The following ZNF566 variants were observed in gnomAD, a reference collection of about 807,000 sequenced individuals.
ZNF566 encodes zinc finger protein 566.
ZNF566 carries 27 observed loss-of-function variants against 32.8 expected under a neutral mutation model. That is an observed-to-expected ratio of 0.82 (90% CI 0.61 to 1.14). The LOEUF (loss-of-function observed/expected upper bound fraction) is 1.14. Ranked by LOEUF, ZNF566 falls within the 50% of genes most tolerant of loss-of-function variation. The pLI, the probability that ZNF566 is intolerant of heterozygous loss-of-function variation, is 0.00. For missense variants in ZNF566, 402 were observed against 490.4 expected (o/e 0.82, Z 1.70); for synonymous variants, 154 against 159.5 (o/e 0.97, Z 0.26).
intron 4 of ZNF566, among the ~76,000 whole-genome samples, chr19:36,465,785 T>A (rs1327622405): frequency 1.3e-5 from 2 of 152,018 alleles, no homozygotes; most frequent in African/African-American, 4.8e-5. Flanking sequence ...TAAATACTAT[T>A]TTAAGGGAAA....
intron 1 of ZNF566, among the ~76,000 whole-genome samples, chr19:36,485,388 C>T (rs2145712911): frequency 6.7e-6 from 1 of 148,974 alleles, no homozygotes; most frequent in South Asian, 2.1e-4. Context: ...CTGCAATGAG[C>T]CATGGTCATG....
chr19:36,459,576 T>A (rs2033407157), intron 4 of ZNF566, among the ~76,000 whole-genome samples: 1 of 151,026 alleles, frequency 6.6e-6, no homozygotes, highest in Non-Finnish European at 1.5e-5. Flanking sequence ...AATGGCTTGA[T>A]CTCGGCTCAC....
At chr19:36,459,305 G>A (rs1365560512) in intron 4 of ZNF566, among the ~76,000 whole-genome samples, 1 of 151,520 alleles carries the variant, frequency 6.6e-6, no homozygotes, top group Non-Finnish European at 1.5e-5. Flanking sequence ...GAGGAAAGAG[G>A]TTTTTGTTTT....
At chr19:36,453,833 T>A (rs1402513172) in intron 4 of ZNF566, among the ~76,000 whole-genome samples, 1 of 151,908 alleles carries the variant, frequency 6.6e-6, no homozygotes, top group Non-Finnish European at 1.5e-5. Flanking sequence ...ACCTGGTTAA[T>A]CTTTTTTTGA....
chr19:36,457,192 C>T (rs893584854), intron 4 of ZNF566, among the ~76,000 whole-genome samples: 9 of 152,076 alleles, frequency 5.9e-5, no homozygotes, highest in Non-Finnish European at 4.4e-5. Context: ...AACTGGATAG[C>T]CACATGCAAA....
chr19:36,448,012 A>C lies in ZNF566; in HGVS notation c.*965T>G, dbSNP rs1043129561. 1 of 152,160 alleles carries C rather than the reference A, an allele frequency of 6.6e-6. No individual in the cohort carries two copies. Among genetic ancestry groups the C allele is most frequent in the Non-Finnish European group, 1.5e-5 (1 of 68,012 alleles). 9.4% of individuals were successfully genotyped at this position (152,160 alleles called of 1,614,324 possible). A position where few individuals can be genotyped will look rare whatever the true frequency, so the allele number is the denominator to read the frequency against. ...CTAAGCACTTTATCGATCTTAATTC[A>C]TTTAATCCTCACAAAGCATTATGAG... is the stretch of plus-strand genomic sequence containing the variant. On this transcript the variant is annotated 3_prime_UTR_variant, in exon 5 of 5. Transcript: ENST00000452939.
intron 4 of ZNF566, among the ~76,000 whole-genome samples, chr19:36,456,041 A>G (rs2033300720): frequency 6.6e-6 from 1 of 152,058 alleles, no homozygotes; most frequent in Admixed American, 6.6e-5. Flanking sequence ...TCCATCTCAA[A>G]AAAGAAAAAA....
chr19:36,449,216 C>T lies in ZNF566; in HGVS notation c.1018G>A (p.Glu340Lys), dbSNP rs144570782. 11 of 1,613,996 alleles carry T rather than the reference C, an allele frequency of 6.8e-6. No homozygotes were observed. The South Asian group carries it at 7.7e-5, about 11-fold the overall frequency. Residue 340 changes from glutamate to lysine, a missense_variant, in exon 5 of 5, where the codon GAA becomes AAA. By Grantham distance (56) the Glu-to-Lys change is moderately conservative. Coordinates refer to ENST00000452939, the MANE Select transcript of ZNF566 (RefSeq NM_001145344.1). ...AAAGCCTTTTCACATTCCTTACATT[C>T]GTAAGGTTTCTCACCTGTATGGATT... ...QRIHTGEKPY[E>K]CKECEKAFRS... is the part of the protein sequence containing the mutation.
chr19:36,454,100 T>C (rs898298676), intron 4 of ZNF566, among the ~76,000 whole-genome samples: 2 of 151,676 alleles, frequency 1.3e-5, no homozygotes, highest in African/African-American at 4.8e-5. Context: ...GGTCTCACTA[T>C]GTTGCTCAGG....
intron 1 of ZNF566, among the ~76,000 whole-genome samples, chr19:36,487,362 T>C (rs1435915894): frequency 1.3e-5 from 2 of 152,166 alleles, no homozygotes; most frequent in African/African-American, 4.8e-5. Flanking sequence ...AAAGCCTTCA[T>C]GTGTTCACCA....
At chr19:36,460,834 T>G (rs1443489832) in intron 4 of ZNF566, among the ~76,000 whole-genome samples, 1 of 152,146 alleles carries the variant, frequency 6.6e-6, no homozygotes, top group East Asian at 1.9e-4. Context: ...ATATTACTTC[T>G]GGGTGAACAA....
At chr19:36,454,011 G>C (rs891745997) in intron 4 of ZNF566, among the ~76,000 whole-genome samples, 1 of 151,998 alleles carries the variant, frequency 6.6e-6, no homozygotes, top group Admixed American at 6.6e-5. Context: ...TTTTAGTAGA[G>C]ACAAAGTTTC....
In ZNF566 at chr19:36,482,770, T is replaced by C. The variant is rs181992149; in HGVS notation, c.-59-6154A>G. 2.5e-3 allele frequency among the ~76,000 whole-genome samples: 384 copies of C among 152,258 alleles called. 1 individual carries two copies. The highest frequency in any genetic ancestry group is 8.4e-3 in the African/African-American group (349 of 41,534). Reference sequence around the variant, plus strand: ...ATGAAGTAACAAGGAAATGGCCAAATTTGATGGGAGACAATTCTCCATGGG... The same window carrying C: ...ATGAAGTAACAAGGAAATGGCCAAACTTGATGGGAGACAATTCTCCATGGG... On this transcript the variant is annotated intron_variant, in intron 1 of 4. Coordinates refer to ENST00000452939, the MANE Select transcript of ZNF566 (RefSeq NM_001145344.1).
chr19:36,485,716 C>G (rs538831334), intron 1 of ZNF566, among the ~76,000 whole-genome samples: 2 of 148,172 alleles, frequency 1.3e-5, no homozygotes, highest in African/African-American at 5.0e-5. Context: ...AAGCTGAGAT[C>G]GCACCATTGC....
chr19:36,486,507 A>T (rs2145715410), intron 1 of ZNF566, among the ~76,000 whole-genome samples: 1 of 152,124 alleles, frequency 6.6e-6, no homozygotes, highest in Admixed American at 6.6e-5. Context: ...CCCTGTGTCT[A>T]CTAAAAATAC....
intron 4 of ZNF566, among the ~76,000 whole-genome samples, chr19:36,453,501 A>T (rs536727422): frequency 0.012 from 1,668 of 140,498 alleles, 16 homozygotes; most frequent in African/African-American, 0.026. Flanking sequence ...ATAAATAAAT[A>T]AATAAATTAA....
In ZNF566 at chr19:36,446,916, T is replaced by C. The variant is rs1449441205; in HGVS notation, c.*2061A>G. On this transcript the variant is annotated 3_prime_UTR_variant, in exon 5 of 5. Coordinates refer to ENST00000452939, the MANE Select transcript of ZNF566 (RefSeq NM_001145344.1). The stretch of plus-strand genomic sequence containing the variant: ...GACATAAACTTCATCCTTCCACATA[T>C]GCGATCTGTCCAGCGTGGGGAGCTG... 6.6e-6 allele frequency: 1 copy of C among 152,112 alleles called. No individual in the cohort carries two copies. The highest frequency in any genetic ancestry group is 1.5e-5 in the Non-Finnish European group (1 of 68,030). 9.4% of individuals were successfully genotyped at this position (152,112 alleles called of 1,614,324 possible).
At chr19:36,475,127 C>G (rs1359924381) in intron 2 of ZNF566, among the ~76,000 whole-genome samples, 2 of 152,198 alleles carry the variant, frequency 1.3e-5, no homozygotes, top group African/African-American at 4.8e-5. Flanking sequence ...CTCACTGCAG[C>G]CATGACTTCC....
intron 4 of ZNF566, among the ~76,000 whole-genome samples, chr19:36,471,451 C>G (rs1201029713): frequency 6.6e-6 from 1 of 152,070 alleles, no homozygotes; most frequent in African/African-American, 2.4e-5. Flanking sequence ...ACAGCCAACG[C>G]ACAGCTGCCT....
Sources: allele counts gnomAD v4.1 joint callset (sites outside exome capture counted in the v4.1 genomes callset), GRCh38; gene constraint gnomAD v4.1.1; transcripts MANE v1.5; gene names NCBI Gene and HGNC (gene_info 2026-07-23, HGNC 2026-07-21).